The following DPH6 variants were observed in gnomAD, a reference collection of about 807,000 sequenced individuals.
DPH6 encodes diphthine--ammonia ligase.
Under a neutral mutation model 38.2 loss-of-function variants are expected in DPH6, and 33 were observed. The ratio of observed to expected loss-of-function variants is 0.86; its 90% CI spans 0.65 to 1.15. The LOEUF is 1.15. Ranked by LOEUF, DPH6 falls within the 50% of genes most tolerant of loss-of-function variation. The pLI is 0.00. For synonymous variants in DPH6, 108 were observed against 103.0 expected (o/e 1.05, Z -0.30); for missense variants, 325 against 320.0 (o/e 1.02, Z -0.12).
intron 8 of DPH6, 39 bp from the exon 9 acceptor site, chr15:35,372,242 C>G: frequency 7.1e-7 from 1 of 1,413,118 alleles, no homozygotes; most frequent in Non-Finnish European, 9.4e-7. Context: ...GAAAATGCAC[C>G]ATATTTATTC....
exon 4 of DPH6, chr15:35,218,203 G>C (rs1394426764): frequency 1.3e-5 from 2 of 152,126 alleles, no homozygotes; most frequent in Admixed American, 6.5e-5. Flanking sequence ...AAAATCCTCA[G>C]ACACAATCAA....
At chr15:35,237,873 C>A in intron 3 of DPH6, 1 of 1,484,644 alleles carries the variant, frequency 6.7e-7, no homozygotes, top group Non-Finnish European at 9.4e-7. Flanking sequence ...GACGAAGATG[C>A]TCAGGTAGTG....
chr15:35,543,258 TAATATATATATATATATATATATATATA>T (rs1299954818), intron 1 of DPH6, among the ~76,000 whole-genome samples: 3,468 of 92,634 alleles, frequency 0.037, 257 homozygotes, highest in African/African-American at 0.15. Flanking sequence ...CACATACACA[TAATATATATATATATATATATATATATA>T]TATATATATA....
Position 35,371,722 on chromosome 15 carries a change from A to G in DPH6, c.*428T>C. 2 of 987,152 alleles carry G rather than the reference A, an allele frequency of 2.0e-6. No individual in the cohort carries two copies. Among genetic ancestry groups the G allele is most frequent in the Non-Finnish European group, 2.4e-6 (2 of 831,284 alleles). The allele number at this position is 987,152 out of a possible 1,614,324, so 61.1% of individuals were successfully genotyped here. ...TCGCTTTGGCGACACCCAGTAGAAT[A>G]AGCTTGACTGGCTAAATAAAGTGAC... On this transcript the variant is annotated 3_prime_UTR_variant, in exon 9 of 9. Transcript: ENST00000256538.
intron 3 of DPH6, among the ~76,000 whole-genome samples, chr15:35,480,412 TTCC>T (rs2054313054): frequency 6.6e-6 from 1 of 152,044 alleles, no homozygotes; most frequent in African/African-American, 2.4e-5. Flanking sequence ...AAAACAAGCT[TTCC>T]AATATTTAAT....
intron 3 of DPH6, among the ~76,000 whole-genome samples, chr15:35,531,925 G>A (rs370313945): frequency 7.3e-4 from 111 of 152,148 alleles, no homozygotes; most frequent in African/African-American, 2.6e-3. Flanking sequence ...TAGCAAAAGC[G>A]ACAGCCACAA....
intron 3 of DPH6, among the ~76,000 whole-genome samples, chr15:35,341,081 C>G (rs192711894): frequency 5.5e-4 from 83 of 152,030 alleles, no homozygotes; most frequent in African/African-American, 2.0e-3. Context: ...CCTTTTTATT[C>G]TTTTTTCTCT....
At chr15:35,344,180 A>C (rs1317135668) in intron 3 of DPH6, among the ~76,000 whole-genome samples, 1 of 152,052 alleles carries the variant, frequency 6.6e-6, no homozygotes, top group East Asian at 1.9e-4. Flanking sequence ...GATAAAGAGA[A>C]GCCAGACTAG....
At chr15:35,472,270 C>T (rs190895165) in intron 3 of DPH6, among the ~76,000 whole-genome samples, 10 of 152,248 alleles carry the variant, frequency 6.6e-5, no homozygotes, top group African/African-American at 1.9e-4. Flanking sequence ...AAGGAACACA[C>T]GGATTAATAA....
chr15:35,265,620 T>C (rs955011532), intron 3 of DPH6, among the ~76,000 whole-genome samples: 16 of 152,188 alleles, frequency 1.1e-4, no homozygotes, highest in African/African-American at 3.9e-4. Flanking sequence ...TTCTCTGCCT[T>C]TAAAAAAAAT....
chr15:35,545,657 A>G (rs2055336477), intron 1 of DPH6, among the ~76,000 whole-genome samples: 1 of 152,196 alleles, frequency 6.6e-6, no homozygotes, highest in African/African-American at 2.4e-5. Context: ...CCAGCTGACC[A>G]AAGGAACTAC....
At chr15:35,147,711 C>G in the DPH6 span, among the ~76,000 whole-genome samples, 1 of 152,178 alleles carries the variant, frequency 6.6e-6, no homozygotes, top group Non-Finnish European at 1.5e-5. Flanking sequence ...CTGAAATAAT[C>G]TGAATTATCT....
At chr15:35,409,723 A>G (rs1256083475) in intron 6 of DPH6, among the ~76,000 whole-genome samples, 1 of 151,972 alleles carries the variant, frequency 6.6e-6, no homozygotes, top group Non-Finnish European at 1.5e-5. Flanking sequence ...GAGCTACAGA[A>G]CAAATCACTG....
At chr15:35,519,459 C>T (rs1434654127) in intron 3 of DPH6, 2 of 151,944 alleles carry the variant, frequency 1.3e-5, no homozygotes, top group East Asian at 3.9e-4. Flanking sequence ...AAGATTCCAT[C>T]TTTCTCAAAT....
At chr15:35,275,206 C>T (rs147004552) in intron 3 of DPH6, among the ~76,000 whole-genome samples, 84 of 152,210 alleles carry the variant, frequency 5.5e-4, no homozygotes, top group East Asian at 3.1e-3. Flanking sequence ...TGAGCCACCG[C>T]GCCTGGCTGA....
chr15:35,515,869 G>T (rs1270501575), intron 3 of DPH6, among the ~76,000 whole-genome samples: 1 of 151,940 alleles, frequency 6.6e-6, no homozygotes, highest in Non-Finnish European at 1.5e-5. Context: ...CTGCACTCCA[G>T]CCTGGACAAC....
At chr15:35,379,258 C>A (rs1462578643) in intron 7 of DPH6, among the ~76,000 whole-genome samples, 1 of 152,162 alleles carries the variant, frequency 6.6e-6, no homozygotes, top group Non-Finnish European at 1.5e-5. Flanking sequence ...AATAAGTCTG[C>A]ATGTAAAATT....
In DPH6 at chr15:35,340,087, A is replaced by G. The variant is rs1338556063; in HGVS notation, n.208-9010T>C. ...TTTGTTGGGTGCATATATGTTTAGC[A>G]CAGTTAGATTTTCTTGTTGAATCAA... On this transcript the variant is annotated intron_variant and non_coding_transcript_variant, in intron 3 of 3. Coordinates refer to the DPH6 transcript ENST00000558973. Among the ~76,000 whole-genome samples, 4 of 152,274 alleles carry G rather than the reference A, an allele frequency of 2.6e-5. No homozygotes were observed. In the East Asian group the frequency reaches 7.7e-4, roughly 29 times the overall value.
chr15:35,193,084 T>C, the DPH6 span, among the ~76,000 whole-genome samples: 2 of 152,224 alleles, frequency 1.3e-5, no homozygotes, highest in African/African-American at 4.8e-5. Context: ...TAAATTCTTA[T>C]TTTCCATCTC....
Sources: gnomAD v4.1 joint callset for allele counts (sites outside exome capture counted in the v4.1 genomes callset) on GRCh38, gnomAD v4.1.1 for gene constraint, MANE v1.5 for transcripts, NCBI Gene and HGNC (gene_info 2026-07-23, HGNC 2026-07-21) for gene names.